The following DNAJC2 variants were observed in gnomAD, a reference collection of about 807,000 sequenced individuals.
The protein encoded by DNAJC2 is DnaJ heat shock protein family (Hsp40) member C2.
A neutral mutation model predicts 94.0 loss-of-function variants in DNAJC2; 32 were observed. The ratio of observed to expected loss-of-function variants is 0.34; its 90% CI spans 0.26 to 0.46. DNAJC2 has a LOEUF of 0.46. DNAJC2 is among the 20% of genes least tolerant of loss of function. DNAJC2 has a pLI of 1.00. For missense variants in DNAJC2, 550 were observed against 719.5 expected (o/e 0.76, Z 2.69); for synonymous variants, 210 against 229.7 (o/e 0.91, Z 0.77).
chr7:103,317,154 A>G, intron 12 of DNAJC2, 140 bp from the exon 13 acceptor site: 1 of 710,872 alleles, frequency 1.4e-6, no homozygotes, highest in Non-Finnish European at 2.3e-6. Context: ...GCCAACCCAA[A>G]AAGAAGCACC....
intron 4 of DNAJC2, chr7:103,327,425 G>T (rs887844586): frequency 1.1e-6 from 1 of 871,606 alleles, no homozygotes. Context: ...CAGGGCCTGA[G>T]ACTGCATTTC....
chr7:103,333,940 C>T (rs1165318057), intron 3 of DNAJC2, among the ~76,000 whole-genome samples: 2 of 151,230 alleles, frequency 1.3e-5, no homozygotes, highest in Non-Finnish European at 2.9e-5. Context: ...TGTGAATAGG[C>T]TGTTGTGAAC....
rs116601034 is a variant in DNAJC2 at position 103,332,918 on chromosome 7, T to C, written c.331+4818A>G. Among the ~76,000 whole-genome samples, 775 of 152,306 alleles carry C rather than the reference T, an allele frequency of 5.1e-3. 10 individuals are homozygous for C. Among genetic ancestry groups the C allele is most frequent in the African/African-American group, 0.018 (737 of 41,558 alleles). ...GGATCAAAGGCATGAGCCACCATGA[T>C]TAGCTCTTTCTGTATTTCACTACGT... is the stretch of plus-strand genomic sequence containing the variant. On this transcript the variant is annotated intron_variant, in intron 3 of 16. Transcript: ENST00000379263.
At chr7:103,330,840 C>A (rs758765618) in intron 3 of DNAJC2, among the ~76,000 whole-genome samples, 4 of 151,940 alleles carry the variant, frequency 2.6e-5, no homozygotes, top group Non-Finnish European at 5.9e-5. Flanking sequence ...CCCTGGCCTC[C>A]CAAAGTGCTA....
chr7:103,341,691 T>C (rs1563476011), intron 2 of DNAJC2, 73 bp downstream of exon 2: 1 of 1,248,872 alleles, frequency 8.0e-7, no homozygotes, highest in Non-Finnish European at 1.1e-6. Context: ...TGTTTATTAA[T>C]GGAAAACTCA....
At chr7:103,329,216 G>T in intron 3 of DNAJC2, 1 of 248,366 alleles carries the variant, frequency 4.0e-6, no homozygotes, top group Non-Finnish European at 7.9e-6. Context: ...ACATGTGCCA[G>T]GCCTGTTTAC....
At chr7:103,332,078 C>T (rs1031100722) in intron 3 of DNAJC2, among the ~76,000 whole-genome samples, 2 of 151,256 alleles carry the variant, frequency 1.3e-5, no homozygotes, top group African/African-American at 2.4e-5. Context: ...AGTCTTGGCT[C>T]ACTGCATGCT....
chr7:103,319,839 C>G lies in DNAJC2; in HGVS notation c.1089G>C (p.Trp363Cys). The G allele has an allele frequency of 6.2e-7, 1 of 1,614,024 alleles. No homozygotes were observed. Among genetic ancestry groups the G allele is most frequent in the Non-Finnish European group, 8.5e-7 (1 of 1,179,986 alleles). The change falls in exon 11 of 17, where the codon TGG becomes TGC. Residue 363 changes from tryptophan (W) to cysteine (C), a missense_variant. Physicochemically the swap from Trp to Cys is radical, Grantham distance 215. Around this residue, in one of 2 missense-constraint regions of DNAJC2, gnomAD observed 271 missense variants for 302.6 expected, o/e 0.90. Coordinates refer to ENST00000379263, the MANE Select transcript of DNAJC2 (RefSeq NM_014377.3). ...CTGCCTCATTATCAGAAAAATGATT[C>G]CAGGTCTAAAAGCACAAACACAAAA... ...RQKLRNSCKT[W>C]NHFSDNEAER... is the part of the protein sequence containing the mutation.
chr7:103,331,258 C>T (rs564549077), intron 3 of DNAJC2, among the ~76,000 whole-genome samples: 1 of 152,266 alleles, frequency 6.6e-6, no homozygotes, highest in South Asian at 2.1e-4. Flanking sequence ...GTGCCTGGCT[C>T]ATTTTGTGCA....
chr7:103,341,038 C>T (rs1307198195), intron 2 of DNAJC2, among the ~76,000 whole-genome samples: 1 of 152,152 alleles, frequency 6.6e-6, no homozygotes, highest in Non-Finnish European at 1.5e-5. Flanking sequence ...TGTCTTGTGC[C>T]ACACAGCCAG....
At position 103,339,201 on chromosome 7, in the gene DNAJC2, A is replaced by G. The variant is rs146239041; in HGVS notation, c.256-1390T>C. On this transcript the variant is annotated intron_variant, in intron 2 of 16. Transcript: ENST00000379263. ...TGTCACTGGAATATAAGCTGTGTGT[A>G]AGCAGTAATACTGTCTTGTTCAGTA... Among the ~76,000 whole-genome samples the G allele has an allele frequency of 3.8e-3, 572 of 152,346 alleles. 4 individuals are homozygous for G. The highest frequency in any genetic ancestry group is 0.014 in the African/African-American group (563 of 41,574).
intron 3 of DNAJC2, among the ~76,000 whole-genome samples, chr7:103,332,758 G>A (rs1212621565): frequency 6.6e-6 from 1 of 151,900 alleles, no homozygotes; most frequent in Non-Finnish European, 1.5e-5. Flanking sequence ...TGAGCAGCTG[G>A]GACCACAGGC....
intron 3 of DNAJC2, among the ~76,000 whole-genome samples, chr7:103,334,976 G>A (rs893328658): frequency 6.6e-6 from 1 of 152,056 alleles, no homozygotes; most frequent in African/African-American, 2.4e-5. Flanking sequence ...TGGGATTACA[G>A]GCATGCGTCT....
chr7:103,317,511 C>G (rs536821196), intron 12 of DNAJC2, among the ~76,000 whole-genome samples: 1 of 152,164 alleles, frequency 6.6e-6, no homozygotes, highest in Non-Finnish European at 1.5e-5. Context: ...GCCCTTGTTG[C>G]TTCTGTCAGC....
chr7:103,329,066 G>A, intron 3 of DNAJC2: 1 of 1,086,614 alleles, frequency 9.2e-7, no homozygotes, highest in Non-Finnish European at 1.2e-6. Context: ...TTTAAAATTT[G>A]TGATTATCGC....
chr7:103,317,034 C>T lies in DNAJC2; in HGVS notation c.1243-20G>A. On this transcript the variant is annotated intron_variant, in intron 12 of 16. Coordinates refer to ENST00000379263, the MANE Select transcript of DNAJC2 (RefSeq NM_014377.3). ...TTCTATCTGCACAAATATCATAAGT[C>T]AGGGACTTAGAAGTATACTGTATTG... 2 of 1,604,430 alleles carry T rather than the reference C, an allele frequency of 1.2e-6. No individual in the cohort carries two copies. Among genetic ancestry groups the T allele is most frequent in the Non-Finnish European group, 1.7e-6 (2 of 1,174,368 alleles).
intron 12 of DNAJC2, 96 bp downstream of exon 12, chr7:103,319,513 C>G: frequency 1.8e-6 from 2 of 1,118,470 alleles, no homozygotes; most frequent in South Asian, 2.7e-5. Context: ...AAATCAGATA[C>G]TCCCTGCACT....
At chr7:103,322,918 T>G in intron 7 of DNAJC2, 124 bp from the exon 8 acceptor site, 1 of 795,662 alleles carries the variant, frequency 1.3e-6, no homozygotes, top group Non-Finnish European at 2.0e-6. Flanking sequence ...GTGTCATTAC[T>G]AACATTAAAC....
intron 15 of DNAJC2, chr7:103,314,552 C>G (rs1386000324): frequency 1.0e-6 from 1 of 985,154 alleles, no homozygotes; most frequent in Non-Finnish European, 1.2e-6. Flanking sequence ...GACTAGTGTG[C>G]TAATACCTGT....
Sources: allele counts gnomAD v4.1 joint callset (sites outside exome capture counted in the v4.1 genomes callset), GRCh38; gene constraint gnomAD v4.1.1; regional missense constraint gnomAD v4.1.1; transcripts MANE v1.5; gene names NCBI Gene and HGNC (gene_info 2026-07-23, HGNC 2026-07-21).